The following CHN2 variants were observed in gnomAD, a reference collection of about 807,000 sequenced individuals.
CHN2 encodes the protein beta-chimaerin.
A neutral mutation model predicts 56.3 loss-of-function variants in CHN2; 35 were observed. That is an observed-to-expected ratio of 0.62 (90% confidence interval 0.47 to 0.82). CHN2 has a LOEUF of 0.82. Ranked by LOEUF, CHN2 falls within the 40% of genes least tolerant of loss-of-function variation. The probability of loss-of-function intolerance (pLI) is 0.00; values close to 1 mark genes in which losing one functional copy is unlikely to be tolerated. For missense variants in CHN2, 491 were observed against 580.5 expected, an observed-to-expected ratio of 0.85 and a Z score of 1.58; for synonymous variants, 210 against 212.8, an observed-to-expected ratio of 0.99 and a Z score of 0.12.
At chr7:29,236,018 G>T (rs1457166847) in intron 1 of CHN2, among the ~76,000 whole-genome samples, 1 of 152,202 alleles carries the variant, frequency 6.6e-6, no homozygotes, top group Non-Finnish European at 1.5e-5. Context: ...ACCTGTGCAT[G>T]TATCCCCTGA....
At chr7:29,155,121 T>C (rs1380205221) in intron 2 of CHN2, among the ~76,000 whole-genome samples, 1 of 151,712 alleles carries the variant, frequency 6.6e-6, no homozygotes, top group Non-Finnish European at 1.5e-5. Flanking sequence ...TCCCACCAGG[T>C]CCCTCCCACA....
rs149531959 is a variant in CHN2, at chr7:29,197,635, G to A, written c.49+2645G>A. The stretch of plus-strand genomic sequence containing the variant: ...ACACAATCCACTTCTTTCATCACAC[G>A]TTAAATTTGATCTTGAATTTTGGGC... On this transcript the variant is annotated intron_variant, in intron 1 of 12. Transcript: ENST00000222792. 2.3e-3 allele frequency among the ~76,000 whole-genome samples: 351 copies of A among 152,290 alleles called. 1 individual carries two copies. The highest frequency in any genetic ancestry group is 7.9e-3 in the African/African-American group (329 of 41,558).
chr7:29,391,284 T>G (rs1585239965), intron 3 of CHN2, among the ~76,000 whole-genome samples: 2 of 120,978 alleles, frequency 1.7e-5, no homozygotes, highest in Non-Finnish European at 1.6e-5. Context: ...AAAGAGAGAG[T>G]GGGGAAGAGA....
intron 3 of CHN2, among the ~76,000 whole-genome samples, chr7:29,370,535 G>T (rs558328341): frequency 2.0e-5 from 3 of 151,950 alleles, no homozygotes; most frequent in African/African-American, 7.3e-5. Context: ...CCTTTTTCTT[G>T]GTCTTCAATC....
intron 10 of CHN2, among the ~76,000 whole-genome samples, chr7:29,505,772 C>T (rs1184696757): frequency 6.6e-6 from 1 of 152,194 alleles, no homozygotes; most frequent in Non-Finnish European, 1.5e-5. Flanking sequence ...ATTTCCTTGT[C>T]ATTGTTGAGT....
At chr7:29,217,674 T>C (rs1785447216) in intron 1 of CHN2, among the ~76,000 whole-genome samples, 1 of 152,236 alleles carries the variant, frequency 6.6e-6, no homozygotes, top group African/African-American at 2.4e-5. Context: ...TTGGATTTAC[T>C]GTTTTTCATT....
intron 2 of CHN2, among the ~76,000 whole-genome samples, chr7:29,362,968 A>G (rs995455705): frequency 1.3e-4 from 20 of 152,218 alleles, no homozygotes; most frequent in Admixed American, 1.0e-3. Flanking sequence ...CACTTCCCAT[A>G]TATCACTGTT....
intron 1 of CHN2, among the ~76,000 whole-genome samples, chr7:29,287,463 G>A (rs367917039): frequency 6.6e-6 from 1 of 152,206 alleles, no homozygotes; most frequent in African/African-American, 2.4e-5. Context: ...CTGTGCCTCA[G>A]TTTACTCATT....
At chr7:29,466,279 T>A (rs916809811) in intron 6 of CHN2, among the ~76,000 whole-genome samples, 1 of 152,112 alleles carries the variant, frequency 6.6e-6, no homozygotes, top group Non-Finnish European at 1.5e-5. Flanking sequence ...GCTAAAATTA[T>A]CATAGCTATA....
At chr7:29,483,438 A>C (rs895475157) in intron 7 of CHN2, among the ~76,000 whole-genome samples, 1 of 152,182 alleles carries the variant, frequency 6.6e-6, no homozygotes, top group African/African-American at 2.4e-5. Flanking sequence ...TTGGCACCTC[A>C]TCGCATGCAA....
chr7:29,484,904 C>T (rs1454901502), intron 7 of CHN2, among the ~76,000 whole-genome samples: 4 of 152,154 alleles, frequency 2.6e-5, no homozygotes, highest in Non-Finnish European at 5.9e-5. Context: ...CTAATTGCTC[C>T]TAAGTGTCAA....
intron 6 of CHN2, among the ~76,000 whole-genome samples, chr7:29,439,563 G>C (rs1783480200): frequency 6.6e-6 from 1 of 152,016 alleles, no homozygotes; most frequent in African/African-American, 2.4e-5. Flanking sequence ...CCTCACTCAG[G>C]CCCTCTTCAT....
intron 6 of CHN2, among the ~76,000 whole-genome samples, chr7:29,438,061 A>G (rs1397299118): frequency 6.6e-6 from 1 of 152,198 alleles, no homozygotes; most frequent in Non-Finnish European, 1.5e-5. Flanking sequence ...TAGATTTGAG[A>G]GTGGAACATA....
intron 2 of CHN2, chr7:29,147,182 TA>T: frequency 6.6e-6 from 4 of 601,802 alleles, no homozygotes; most frequent in Non-Finnish European, 1.1e-5. Context: ...AGCCAGACAG[TA>T]CGGGAGCAAG....
intron 3 of CHN2, among the ~76,000 whole-genome samples, chr7:29,374,048 T>C (rs1799830942): frequency 6.6e-6 from 1 of 152,256 alleles, no homozygotes; most frequent in South Asian, 2.1e-4. Flanking sequence ...TCTCATTACC[T>C]TTTAATTGGC....
At chr7:29,417,686 C>T (rs1585323487) in intron 6 of CHN2, among the ~76,000 whole-genome samples, 2 of 152,138 alleles carry the variant, frequency 1.3e-5, no homozygotes, top group East Asian at 1.9e-4. Flanking sequence ...CTATTTAATA[C>T]GAAGGTATAT....
chr7:29,381,590 C>G (rs17157843), intron 3 of CHN2, among the ~76,000 whole-genome samples: 17,934 of 151,742 alleles, frequency 0.12, 1,512 homozygotes, highest in African/African-American at 0.24. Context: ...AAGGTGCTGC[C>G]AAGGTGTCCT....
intron 6 of CHN2, among the ~76,000 whole-genome samples, chr7:29,479,117 AC>A (rs1489097275): frequency 3.3e-5 from 5 of 152,132 alleles, no homozygotes; most frequent in Non-Finnish European, 7.4e-5. Flanking sequence ...AGTCAGGAGT[AC>A]TCCCAAGACA....
chr7:29,355,731 C>T lies in CHN2; in HGVS notation c.88+1068C>T, dbSNP rs535979088. 4.0e-5 allele frequency among the ~76,000 whole-genome samples: 6 copies of T among 151,192 alleles called. No individual in the cohort carries two copies. In the South Asian group the frequency reaches 1.3e-3, roughly 32 times the overall value. ...CTGTGCTGGCCACCGCACCAAGCAG[C>T]CAAGTCCCGAATTCTTACCACAACT... On this transcript the variant is annotated intron_variant, in intron 2 of 12. Coordinates refer to ENST00000222792, the MANE Select transcript of CHN2 (RefSeq NM_004067.4).
Sources: gnomAD v4.1 joint callset for allele counts (sites outside exome capture counted in the v4.1 genomes callset) on GRCh38, gnomAD v4.1.1 for gene constraint, MANE v1.5 for transcripts, NCBI Gene and HGNC (gene_info 2026-07-23, HGNC 2026-07-21) for gene names.